Variants in SEMA6D observed in about 807,000 individuals in gnomAD.
The protein encoded by SEMA6D is semaphorin-6D.
SEMA6D carries 35 observed loss-of-function variants against 106.6 expected under a neutral mutation model. That is an observed-to-expected ratio of 0.33 (90% CI 0.25 to 0.44). The LOEUF is 0.44. Ranked by LOEUF, SEMA6D falls within the 20% of genes least tolerant of loss-of-function variation. The pLI is 1.00. For synonymous variants in SEMA6D, 499 were observed against 487.7 expected, an observed-to-expected ratio of 1.02 and a Z score of -0.31; for missense variants, 1,185 against 1,345.9, an observed-to-expected ratio of 0.88 and a Z score of 1.87.
At chr15:47,333,836 G>A (rs199887381) in intron 1 of SEMA6D, among the ~76,000 whole-genome samples, 1 of 152,130 alleles carries the variant, frequency 6.6e-6, no homozygotes, top group Non-Finnish European at 1.5e-5. Context: ...TACAACTCCC[G>A]TAGTCCTTGT....
chr15:47,394,404 T>G (rs142502816), intron 1 of SEMA6D, among the ~76,000 whole-genome samples: 1 of 152,272 alleles, frequency 6.6e-6, no homozygotes, highest in East Asian at 1.9e-4. Context: ...TTAGTACAAC[T>G]TTGCAACCAG....
At chr15:47,185,525 AT>A (rs1353630698) in intron 1 of SEMA6D, 4 of 151,792 alleles carry the variant, frequency 2.6e-5, no homozygotes, top group Non-Finnish European at 5.9e-5. Context: ...TAGAATGTGC[AT>A]TTATTCCATT....
At chr15:47,374,683 G>A (rs1302546666) in intron 1 of SEMA6D, among the ~76,000 whole-genome samples, 3 of 152,160 alleles carry the variant, frequency 2.0e-5, no homozygotes, top group Non-Finnish European at 4.4e-5. Flanking sequence ...TTTACCATCT[G>A]TCCTCAGACC....
intron 1 of SEMA6D, among the ~76,000 whole-genome samples, chr15:47,411,597 G>A (rs1171665782): frequency 3.3e-5 from 5 of 152,110 alleles, no homozygotes; most frequent in Non-Finnish European, 1.5e-5. Context: ...GACAAAGTCT[G>A]ACATTTTCTA....
At chr15:47,768,878 C>A in intron 18 of SEMA6D, 130 bp downstream of exon 18, 3 of 732,770 alleles carry the variant, frequency 4.1e-6, no homozygotes, top group Non-Finnish European at 6.5e-6. Flanking sequence ...CCGCCCCTTG[C>A]CACAGTCTCT....
At chr15:47,288,496 T>C (rs62000195) in intron 1 of SEMA6D, among the ~76,000 whole-genome samples, 2,784 of 152,276 alleles carry the variant, frequency 0.018, 52 homozygotes, top group African/African-American at 0.024. Flanking sequence ...GTTTAAGAAA[T>C]GTATCTCAGT....
chr15:47,451,958 T>C (rs1383479789), intron 2 of SEMA6D, among the ~76,000 whole-genome samples: 1 of 151,944 alleles, frequency 6.6e-6, no homozygotes, highest in Non-Finnish European at 1.5e-5. Flanking sequence ...AAACCAAACA[T>C]TGAATTGCTG....
chr15:47,425,886 C>A (rs2041321090), intron 2 of SEMA6D, among the ~76,000 whole-genome samples: 1 of 151,980 alleles, frequency 6.6e-6, no homozygotes, highest in Non-Finnish European at 1.5e-5. Context: ...GATCTAAAGT[C>A]TCCCTTCTAA....
At chr15:47,709,609 T>C (rs766695354) in intron 4 of SEMA6D, among the ~76,000 whole-genome samples, 2 of 152,190 alleles carry the variant, frequency 1.3e-5, no homozygotes, top group African/African-American at 4.8e-5. Context: ...TACAGTCTTA[T>C]GCTGGGGATA....
At chr15:47,556,010 G>A (rs565404803) in intron 3 of SEMA6D, among the ~76,000 whole-genome samples, 2 of 152,156 alleles carry the variant, frequency 1.3e-5, no homozygotes, top group South Asian at 2.1e-4. Flanking sequence ...ACAGTTGCTT[G>A]GAGACTGATG....
At chr15:47,721,840 C>A (rs1202661696) in intron 1 of SEMA6D, among the ~76,000 whole-genome samples, 1 of 152,098 alleles carries the variant, frequency 6.6e-6, no homozygotes, top group Non-Finnish European at 1.5e-5. Flanking sequence ...AAGTGAACTT[C>A]TGCCATTCTC....
chr15:47,393,002 C>T (rs1215019975), intron 1 of SEMA6D, among the ~76,000 whole-genome samples: 1 of 152,196 alleles, frequency 6.6e-6, no homozygotes, highest in African/African-American at 2.4e-5. Context: ...TGAATTGCTG[C>T]TAATCAAGAA....
chr15:47,769,231 G>C (rs1012543829), intron 18 of SEMA6D, among the ~76,000 whole-genome samples: 1 of 152,014 alleles, frequency 6.6e-6, no homozygotes, highest in African/African-American at 2.4e-5. Context: ...CAGAGTGCTC[G>C]TCCATAACTA....
intron 1 of SEMA6D, among the ~76,000 whole-genome samples, chr15:47,731,315 C>CT (rs1199857058): frequency 1.3e-5 from 2 of 151,658 alleles, no homozygotes; most frequent in South Asian, 2.1e-4. Context: ...AGCCACTGCC[C>CT]CCCCGCCCCC....
intron 3 of SEMA6D, among the ~76,000 whole-genome samples, chr15:47,575,203 C>G (rs765597362): frequency 6.6e-6 from 1 of 152,304 alleles, no homozygotes; most frequent in East Asian, 1.9e-4. Context: ...TCTCTTAATT[C>G]TTTTGAGGTT....
intron 4 of SEMA6D, among the ~76,000 whole-genome samples, chr15:47,601,092 G>A (rs564348692): frequency 6.6e-6 from 1 of 151,568 alleles, no homozygotes; most frequent in African/African-American, 2.4e-5. Flanking sequence ...AATAGAGAGA[G>A]AGAATGAGAG....
chr15:47,275,185 A>G (rs968774671), intron 1 of SEMA6D: 2 of 152,186 alleles, frequency 1.3e-5, no homozygotes, highest in Non-Finnish European at 2.9e-5. Context: ...TAGCTTCATG[A>G]TTGCCTGCAT....
intron 3 of SEMA6D, among the ~76,000 whole-genome samples, chr15:47,514,225 ACT>A (rs1386777193): frequency 6.6e-6 from 1 of 152,008 alleles, no homozygotes; most frequent in Non-Finnish European, 1.5e-5. Flanking sequence ...GGGGCAAGAG[ACT>A]CTCTTAGAAC....
intron 3 of SEMA6D, among the ~76,000 whole-genome samples, chr15:47,561,258 C>T (rs1365629376): frequency 6.6e-6 from 1 of 151,936 alleles, no homozygotes; most frequent in Non-Finnish European, 1.5e-5. Flanking sequence ...AATGATCCAT[C>T]ACATACAGGG....
Sources: gnomAD v4.1 joint callset for allele counts (sites outside exome capture counted in the v4.1 genomes callset) on GRCh38, gnomAD v4.1.1 for gene constraint, MANE v1.5 for transcripts, NCBI Gene and HGNC (gene_info 2026-07-23, HGNC 2026-07-21) for gene names.